The following PDE1A variants were observed in gnomAD, a reference collection of about 807,000 sequenced individuals.
PDE1A encodes the protein phosphodiesterase 1A, also known as dual specificity calcium/calmodulin-dependent 3',5'-cyclic nucleotide phosphodiesterase 1A.
PDE1A carries 35 observed loss-of-function variants against 61.7 expected under a neutral mutation model. That is an observed-to-expected ratio of 0.57 (90% CI 0.43 to 0.75). The LOEUF (loss-of-function observed/expected upper bound fraction) is 0.75. Among genes scored for constraint, PDE1A ranks in the 30% least tolerant of loss-of-function variants. The pLI is 0.00. For missense variants in PDE1A, 597 were observed against 630.6 expected, an observed-to-expected ratio of 0.95 and a Z score of 0.57; for synonymous variants, 232 against 213.2, an observed-to-expected ratio of 1.09 and a Z score of -0.77.
At chr2:182,229,514 A>G (rs1689400991) in intron 6 of PDE1A, among the ~76,000 whole-genome samples, 1 of 152,160 alleles carries the variant, frequency 6.6e-6, no homozygotes, top group Admixed American at 6.6e-5. Context: ...TCACTGATTC[A>G]TCAAATGCAA....
At chr2:182,448,922 T>G (rs1685315036) in intron 2 of PDE1A, among the ~76,000 whole-genome samples, 1 of 151,978 alleles carries the variant, frequency 6.6e-6, no homozygotes, top group Non-Finnish European at 1.5e-5. Flanking sequence ...TAAAGCAATA[T>G]CCTTTTACTC....
intron 13 of PDE1A, among the ~76,000 whole-genome samples, chr2:182,158,468 GT>G (rs1406428679): frequency 3.3e-5 from 5 of 152,160 alleles, no homozygotes; most frequent in African/African-American, 9.6e-5. Context: ...ATGTATTTGG[GT>G]TTCTCTGAAT....
chr2:182,229,997 C>T lies in PDE1A; in HGVS notation c.675+9G>A. ...AACTAACAAACCTCAGTTACAAAGA[C>T]TGTCTTACCATGATACCTGTATGAA... is the stretch of plus-strand genomic sequence containing the variant. On this transcript the variant is annotated intron_variant, in intron 6 of 13. Transcript: ENST00000351439. 1 of 1,597,056 alleles carries T rather than the reference C, an allele frequency of 6.3e-7. No homozygotes were observed. Among genetic ancestry groups the T allele is most frequent in the South Asian group, 1.1e-5 (1 of 87,858 alleles).
At chr2:182,685,485 A>G in the PDE1A span, among the ~76,000 whole-genome samples, 1 of 152,204 alleles carries the variant, frequency 6.6e-6, no homozygotes, top group Non-Finnish European at 1.5e-5. Context: ...CTTGGAATTA[A>G]AATTTGGCAT....
the PDE1A span, among the ~76,000 whole-genome samples, chr2:182,553,686 G>T: frequency 6.6e-6 from 1 of 152,194 alleles, no homozygotes; most frequent in African/African-American, 2.4e-5. Context: ...AACTTGCCTG[G>T]GAGGAGTTGA....
chr2:182,457,660 C>A (rs549594942), intron 2 of PDE1A, among the ~76,000 whole-genome samples: 1 of 152,092 alleles, frequency 6.6e-6, no homozygotes, highest in Non-Finnish European at 1.5e-5. Context: ...AATAGAAAGT[C>A]TTCATTCTTA....
chr2:182,585,056 A>C, the PDE1A span, among the ~76,000 whole-genome samples: 2 of 152,200 alleles, frequency 1.3e-5, no homozygotes, highest in African/African-American at 4.8e-5. Flanking sequence ...TTAACACCTA[A>C]ATAGAGGAGC....
At chr2:182,548,832 A>G in the PDE1A span, among the ~76,000 whole-genome samples, 1 of 152,186 alleles carries the variant, frequency 6.6e-6, no homozygotes, top group Non-Finnish European at 1.5e-5. Flanking sequence ...CCACAATGCA[A>G]AAACTAACCA....
chr2:182,230,312 T>G (rs1009047829), intron 5 of PDE1A, among the ~76,000 whole-genome samples, 166 bp from the exon 6 acceptor site: 4 of 152,200 alleles, frequency 2.6e-5, no homozygotes, highest in African/African-American at 9.6e-5. Context: ...ATGTTAACTT[T>G]CATTCCCAAA....
At chr2:182,675,202 G>A in the PDE1A span, among the ~76,000 whole-genome samples, 2 of 152,142 alleles carry the variant, frequency 1.3e-5, no homozygotes, top group Non-Finnish European at 2.9e-5. Context: ...GTGAGAACAT[G>A]AAGCATTTGG....
At chr2:182,533,835 G>C in the PDE1A span, among the ~76,000 whole-genome samples, 1 of 152,014 alleles carries the variant, frequency 6.6e-6, no homozygotes, top group Non-Finnish European at 1.5e-5. Flanking sequence ...TGGATCACCA[G>C]ATTAAATAAA....
intron 13 of PDE1A, among the ~76,000 whole-genome samples, chr2:182,171,579 G>A (rs1692217127): frequency 1.3e-5 from 2 of 151,714 alleles, no homozygotes; most frequent in South Asian, 4.2e-4. Flanking sequence ...CAAAAGAAGG[G>A]ATTTCTGTTC....
chr2:182,604,003 T>C, the PDE1A span, among the ~76,000 whole-genome samples: 2 of 151,974 alleles, frequency 1.3e-5, no homozygotes, highest in Non-Finnish European at 1.5e-5. Context: ...ATAAATTATA[T>C]ACTATTCCTA....
chr2:182,645,661 G>A, the PDE1A span, among the ~76,000 whole-genome samples: 3 of 151,832 alleles, frequency 2.0e-5, no homozygotes, highest in Non-Finnish European at 2.9e-5. Flanking sequence ...TAAAGTAAAC[G>A]AAAAACAAAA....
At chr2:182,448,180 G>C (rs1033415577) in intron 2 of PDE1A, among the ~76,000 whole-genome samples, 4 of 152,032 alleles carry the variant, frequency 2.6e-5, no homozygotes, top group African/African-American at 9.7e-5. Context: ...ACTCATGCTT[G>C]GCACATTGGG....
At chr2:182,568,955 T>A in the PDE1A span, among the ~76,000 whole-genome samples, 2 of 151,986 alleles carry the variant, frequency 1.3e-5, no homozygotes, top group African/African-American at 4.8e-5. Flanking sequence ...AATAATAATA[T>A]TCATCTTGAT....
the PDE1A span, among the ~76,000 whole-genome samples, chr2:182,624,140 A>AG: frequency 7.5e-5 from 11 of 147,406 alleles, no homozygotes; most frequent in East Asian, 3.9e-4. Context: ...AAAAAAAAAA[A>AG]AAGAAGAAGA....
chr2:182,424,023 C>T (rs549511530), intron 1 of PDE1A, among the ~76,000 whole-genome samples: 7 of 149,614 alleles, frequency 4.7e-5, no homozygotes, highest in Middle Eastern at 3.5e-3. Flanking sequence ...CAGCTCACTG[C>T]GACCTCCGCC....
chr2:182,195,858 C>T (rs1235191307), intron 10 of PDE1A, among the ~76,000 whole-genome samples: 1 of 152,006 alleles, frequency 6.6e-6, no homozygotes, highest in African/African-American at 2.4e-5. Context: ...CATACAAGAA[C>T]CACTGCAGTC....
Sources: allele counts gnomAD v4.1 joint callset (sites outside exome capture counted in the v4.1 genomes callset), GRCh38; gene constraint gnomAD v4.1.1; transcripts MANE v1.5; gene names NCBI Gene and HGNC (gene_info 2026-07-23, HGNC 2026-07-21).